The following CORO7 variants were observed in gnomAD, a reference collection of about 807,000 sequenced individuals.
CORO7 encodes the protein coronin 7.
A neutral mutation model predicts 126.6 loss-of-function variants in CORO7; 107 were observed. That is an observed-to-expected ratio of 0.85 (90% CI 0.72 to 0.99). The LOEUF (loss-of-function observed/expected upper bound fraction) is 0.99. Ranked by LOEUF, CORO7 falls within the 50% of genes least tolerant of loss-of-function variation. CORO7 has a pLI of 0.00. For missense variants in CORO7, 1,314 were observed against 1,255.8 expected, an observed-to-expected ratio of 1.05 and a Z score of -0.70; for synonymous variants, 603 against 536.8, an observed-to-expected ratio of 1.12 and a Z score of -1.70.
At chr16:4,404,636 G>T in intron 6 of CORO7, among the ~76,000 whole-genome samples, 2 of 152,114 alleles carry the variant, frequency 1.3e-5, no homozygotes, top group Middle Eastern at 6.8e-3. Context: ...CTCCTCTAGC[G>T]CCCCCTCTCT....
intron 3 of CORO7, among the ~76,000 whole-genome samples, chr16:4,411,050 T>C (rs1050032763): frequency 3.3e-5 from 5 of 152,106 alleles, no homozygotes; most frequent in African/African-American, 1.2e-4. Context: ...ATGGAAACGT[T>C]CCAAAACTGG....
intron 9 of CORO7, among the ~76,000 whole-genome samples, chr16:4,377,475 A>T (rs2054782427): frequency 6.6e-6 from 1 of 152,166 alleles, no homozygotes; most frequent in Non-Finnish European, 1.5e-5. Context: ...TGTTAAAAGA[A>T]CTTCCCCATT....
chr16:4,405,554 A>G lies in CORO7; in HGVS notation c.501T>C (p.His167=), dbSNP rs1166512716. 1 of 1,612,218 alleles carries G rather than the reference A, an allele frequency of 6.2e-7. No homozygotes were observed. Among genetic ancestry groups the G allele is most frequent in the African/African-American group, 1.3e-5 (1 of 74,876 alleles). The change falls in exon 6 of 28, where the codon CAT becomes CAC. Residue 167 remains histidine, a synonymous_variant. Coordinates refer to ENST00000251166, the MANE Select transcript of CORO7 (RefSeq NM_024535.5). The part of the protein sequence containing the change: ...KQQPLTELAA[H]GDLVQSAVWS... ...AGACGGCGCTCTGCACCAGGTCCCC[A>G]TGGGCTGCCAGCTCTGCAGAGAAGC...
At chr16:4,407,772 G>A (rs149852426) in intron 4 of CORO7, 88 bp from the exon 5 acceptor site, 25,467 of 1,435,004 alleles carry the variant, frequency 0.018, 277 homozygotes, top group Non-Finnish European at 0.021. Context: ...GTCCCGTGTT[G>A]GAACTAGGCT....
intron 4 of CORO7, among the ~76,000 whole-genome samples, 153 bp downstream of exon 4, chr16:4,408,028 G>C (rs2056070281): frequency 6.6e-6 from 1 of 152,184 alleles, no homozygotes; most frequent in Non-Finnish European, 1.5e-5. Flanking sequence ...AGCCAGTGTG[G>C]GACCAGGAAT....
At chr16:4,363,888 G>A (rs1428880250) in intron 14 of CORO7, among the ~76,000 whole-genome samples, 3 of 151,898 alleles carry the variant, frequency 2.0e-5, no homozygotes, top group Admixed American at 6.6e-5. Flanking sequence ...GCATGGTGGC[G>A]GGTGCCTGTA....
At chr16:4,370,927 A>T (rs2054501552) in intron 9 of CORO7, among the ~76,000 whole-genome samples, 1 of 152,232 alleles carries the variant, frequency 6.6e-6, no homozygotes, top group African/African-American at 2.4e-5. Context: ...CTGGGCCCCC[A>T]AAGGCTCTGA....
chr16:4,367,990 G>C (rs1400166894), intron 9 of CORO7, among the ~76,000 whole-genome samples: 4 of 152,170 alleles, frequency 2.6e-5, no homozygotes, highest in Non-Finnish European at 4.4e-5. Context: ...CTTGAGCCCA[G>C]TAGGTCAACA....
At chr16:4,402,284 C>T (rs2055839328) in intron 6 of CORO7, among the ~76,000 whole-genome samples, 1 of 151,398 alleles carries the variant, frequency 6.6e-6, no homozygotes, top group Admixed American at 6.6e-5. Context: ...GAGAGAGGGT[C>T]TTGCTCCATC....
In CORO7 at chr16:4,357,156, T is replaced by G; in HGVS notation, c.2685+12A>C. 6.2e-7 allele frequency: 1 copy of G among 1,613,688 alleles called. No individual in the cohort carries two copies. ...CTGTCACCTCCGCACAGCTGCTCTC[T>G]CCCATGCCTACCTCCTCCTTCTTTT... On this transcript the variant is annotated intron_variant, in intron 26 of 27. Transcript: ENST00000251166.
At chr16:4,404,597 G>A (rs574812409) in intron 6 of CORO7, among the ~76,000 whole-genome samples, 39 of 152,142 alleles carry the variant, frequency 2.6e-4, no homozygotes, top group Non-Finnish European at 4.7e-4. Context: ...ACCCTGGAGC[G>A]GCTCTGCCTA....
intron 14 of CORO7, 80 bp downstream of exon 14, chr16:4,364,196 A>AG: frequency 7.1e-7 from 1 of 1,410,852 alleles, no homozygotes; most frequent in East Asian, 2.7e-5. Context: ...AAAAAAAAAA[A>AG]AAGGCCGTTC....
chr16:4,374,078 A>G (rs567432421), intron 9 of CORO7, among the ~76,000 whole-genome samples: 61 of 144,826 alleles, frequency 4.2e-4, no homozygotes, highest in Non-Finnish European at 7.6e-4. Context: ...GAGAAGGGGG[A>G]GGGTGCACGT....
chr16:4,367,271 G>C (rs1320559392), intron 9 of CORO7, among the ~76,000 whole-genome samples: 2 of 152,208 alleles, frequency 1.3e-5, no homozygotes, highest in Non-Finnish European at 2.9e-5. Context: ...CGGAGGCGGA[G>C]GGTAGGGGAC....
intron 6 of CORO7, among the ~76,000 whole-genome samples, chr16:4,403,898 A>G (rs1006448639): frequency 2.6e-5 from 4 of 152,108 alleles, no homozygotes; most frequent in African/African-American, 9.7e-5. Context: ...GCCAGGGCTC[A>G]TCCCTCAAGG....
rs778828287 is a variant in CORO7, at chr16:4,362,066, A to G, written c.1497T>C (p.Gly499=). ...TGTTGGCACAGAAGCCGTCACTCTC[A>G]CCAGGTGTGGTGAGGTTGAGCCCCT... ...NLKGLNLTTP[G]ESDGFCANKL... is the part of the protein sequence containing the mutation. Residue 499 remains glycine, a synonymous_variant, in exon 16 of 28, where the codon GGT becomes GGC. Transcript: ENST00000251166. The surrounding 1 kb of genome is among the most constrained non-coding windows in gnomAD (Gnocchi z 5.3). The G allele has an allele frequency of 3.7e-6, 6 of 1,612,422 alleles. No homozygotes were observed. The highest frequency in any genetic ancestry group is 4.2e-6 in the Non-Finnish European group (5 of 1,179,908).
chr16:4,403,949 C>T (rs976657345), intron 6 of CORO7, among the ~76,000 whole-genome samples: 12 of 152,186 alleles, frequency 7.9e-5, no homozygotes, highest in Non-Finnish European at 1.5e-4. Flanking sequence ...CCGTCCCCAG[C>T]AGGGTTAGGT....
intron 9 of CORO7, chr16:4,381,677 A>G: frequency 6.2e-7 from 1 of 1,606,734 alleles, no homozygotes; most frequent in Non-Finnish European, 8.5e-7. Context: ...GCTGCCCTGC[A>G]GGAGCTGGAT....
chr16:4,382,910 GAC>G (rs774877419), intron 9 of CORO7: 5 of 1,492,162 alleles, frequency 3.4e-6, no homozygotes, highest in Non-Finnish European at 4.5e-6. Context: ...GCCAGAGAGA[GAC>G]AGGGCAGCTG....
Sources: allele counts gnomAD v4.1 joint callset (sites outside exome capture counted in the v4.1 genomes callset), GRCh38; gene constraint gnomAD v4.1.1; non-coding constraint Gnocchi (gnomAD v3.1); transcripts MANE v1.5; gene names NCBI Gene and HGNC (gene_info 2026-07-23, HGNC 2026-07-21).